MMRN2: variants seen among roughly 807,000 people sequenced by gnomAD.
The protein encoded by MMRN2 is multimerin-2.
A neutral mutation model predicts 68.8 loss-of-function variants in MMRN2; 53 were observed. The ratio of observed to expected loss-of-function variants is 0.77; its 90% CI spans 0.62 to 0.97. MMRN2 has a LOEUF of 0.97. Among genes scored for constraint, MMRN2 ranks in the 50% least tolerant of loss-of-function variants. The pLI, the probability that MMRN2 is intolerant of heterozygous loss-of-function variation, is 0.00. For synonymous variants in MMRN2, 564 were observed against 551.6 expected (o/e 1.02, Z -0.32); for missense variants, 1,266 against 1,259.5 (o/e 1.01, Z -0.08).
intron 1 of MMRN2, among the ~76,000 whole-genome samples, chr10:86,952,158 G>C (rs534394271): frequency 2.0e-5 from 3 of 152,200 alleles, no homozygotes; most frequent in South Asian, 2.1e-4. Flanking sequence ...CTCAGGATTC[G>C]ATATGCCAGC....
rs1292075339 is a variant in MMRN2 at position 86,936,685 on chromosome 10, C to G, written c.*58G>C. On this transcript the variant is annotated 3_prime_UTR_variant, in exon 7 of 7. Transcript: ENST00000372027. Reference sequence around the variant, plus strand: ...ACCTCCAGCCCATCCTTGGCCAGAGCCCCAGGCCGAGGAGAGCTGGGCGAG... The same window carrying G: ...ACCTCCAGCCCATCCTTGGCCAGAGGCCCAGGCCGAGGAGAGCTGGGCGAG... 6 of 1,578,856 alleles carry G rather than the reference C, an allele frequency of 3.8e-6. No individual in the cohort carries two copies. In the East Asian group the frequency reaches 1.3e-4, roughly 35 times the overall value.
Position 86,942,856 on chromosome 10 carries a change from T to A in MMRN2, c.1928A>T (p.Asp643Val). The part of the protein sequence containing the change: ...SYEQIRVALQ[D>V]AASGLQEQAL... ...CTGCTCCTGCAGCCCGCTAGCGGCG[T>A]CCTGCAGGGCCACGCGGATCTGCTC... Residue 643 changes from aspartate (D) to valine (V), a missense_variant, in exon 6 of 7, where the codon GAC becomes GTC. Asp to Val is a radical substitution (Grantham distance 152). Coordinates refer to ENST00000372027, the MANE Select transcript of MMRN2 (RefSeq NM_024756.3). The A allele has an allele frequency of 1.4e-6, 2 of 1,398,836 alleles. No homozygotes were observed. The highest frequency in any genetic ancestry group is 1.9e-6 in the Non-Finnish European group (2 of 1,077,196). The allele number at this position is 1,398,836 out of a possible 1,614,324, so 86.7% of individuals were successfully genotyped here. A position where few individuals can be genotyped will look rare whatever the true frequency, so the allele number is the denominator to read the frequency against.
In MMRN2 at chr10:86,944,422, T is replaced by C; in HGVS notation, c.495A>G (p.Ala165=). 1 of 1,613,774 alleles carries C rather than the reference T, an allele frequency of 6.2e-7. No homozygotes were observed. The highest frequency in any genetic ancestry group is 8.5e-7 in the Non-Finnish European group (1 of 1,180,006). The change falls in exon 5 of 7, where the codon GCA becomes GCG. Residue 165 remains alanine (A), a synonymous_variant. Transcript: ENST00000372027. Reference sequence around the variant, plus strand: ...GTTGCACCTCAACCTCATTGATCACTGCAGCAAGGTGGCCTAAATACACAG... The same window carrying C: ...GTTGCACCTCAACCTCATTGATCACCGCAGCAAGGTGGCCTAAATACACAG... ...PVSFKPGHLA[A]VINEVEVQQE... is the part of the protein sequence containing the mutation.
chr10:86,957,291 C>G, intron 1 of MMRN2, 87 bp downstream of exon 1: 1 of 1,387,860 alleles, frequency 7.2e-7, no homozygotes, highest in South Asian at 1.2e-5. Flanking sequence ...AGATGGGACC[C>G]CAGTGAGGTC....
Position 86,957,431 on chromosome 10 carries a change from T to G in MMRN2, c.111A>C (p.Thr37=). ...TSLSDLQSSR[T]PGVWKAEAED... The stretch of plus-strand genomic sequence containing the variant: ...CAGCCTCTGCCTTCCAGACCCCAGG[T>G]GTCCTGGAGCTCTGCAGATCAGAGA... Residue 37 remains threonine, a synonymous_variant, in exon 1 of 7, where the codon ACA becomes ACC. Coordinates refer to ENST00000372027, the MANE Select transcript of MMRN2 (RefSeq NM_024756.3). 1 of 1,613,778 alleles carries G rather than the reference T, an allele frequency of 6.2e-7. No individual in the cohort carries two copies.
chr10:86,936,048 C>T lies in MMRN2; in HGVS notation c.*695G>A, dbSNP rs1843873634. 5.6e-6 allele frequency: 1 copy of T among 178,566 alleles called. No homozygotes were observed. Among genetic ancestry groups the T allele is most frequent in the African/African-American group, 2.3e-5 (1 of 42,678 alleles). 11.1% of individuals were successfully genotyped at this position (178,566 alleles called of 1,614,324 possible). On this transcript the variant is annotated 3_prime_UTR_variant, in exon 7 of 7. Coordinates refer to ENST00000372027, the MANE Select transcript of MMRN2 (RefSeq NM_024756.3). The stretch of plus-strand genomic sequence containing the variant: ...ACAAGAACAGCATGGGGGAACCGCC[C>T]CCAAGATCCAATTACCTCCACCTGA...
chr10:86,952,874 C>T (rs1844163779), intron 1 of MMRN2, among the ~76,000 whole-genome samples: 1 of 152,114 alleles, frequency 6.6e-6, no homozygotes, highest in South Asian at 2.1e-4. Context: ...ATATCTCAGT[C>T]CTTATCACAA....
rs1844003901 is a variant in MMRN2 at position 86,943,179 on chromosome 10, G to T, written c.1605C>A (p.Ala535=). The change falls in exon 6 of 7, where the codon GCC becomes GCA. Residue 535 remains alanine, a synonymous_variant. Coordinates refer to ENST00000372027, the MANE Select transcript of MMRN2 (RefSeq NM_024756.3). The surrounding 1 kb of genome is among the most constrained non-coding windows in gnomAD (Gnocchi z 4.2). ...RRQLDGSSLQ[A]LQNAVDAVSL... ...ACACGGCGTCCACGGCGTTCTGCAG[G>T]GCCTGCAGGGAGGAGCCGTCCAGCT... 1 of 1,607,746 alleles carries T rather than the reference G, an allele frequency of 6.2e-7. No individual in the cohort carries two copies.
rs1409570817 is a variant in MMRN2 at position 86,936,037 on chromosome 10, G to A, written c.*706C>T. ...TGAGAACTATCACAAGAACAGCATGGGGGAACCGCCCCCAAGATCCAATTA... is the reference window on the plus strand; with the variant it reads ...TGAGAACTATCACAAGAACAGCATGAGGGAACCGCCCCCAAGATCCAATTA... On this transcript the variant is annotated 3_prime_UTR_variant, in exon 7 of 7. Coordinates refer to ENST00000372027, the MANE Select transcript of MMRN2 (RefSeq NM_024756.3). 5.9e-6 allele frequency: 1 copy of A among 170,472 alleles called. No individual in the cohort carries two copies. Among genetic ancestry groups the A allele is most frequent in the Non-Finnish European group, 1.2e-5 (1 of 80,428 alleles). The allele number at this position is 170,472 out of a possible 1,614,324, so 10.6% of individuals were successfully genotyped here.
chr10:86,945,854 A>G (rs767739607), intron 1 of MMRN2, 165 bp from the exon 2 acceptor site: 194 of 1,444,148 alleles, frequency 1.3e-4, no homozygotes, highest in Non-Finnish European at 1.7e-4. Context: ...TGGGCTCCAG[A>G]GCAAATGTTT....
At chr10:86,955,305 C>G (rs921070779) in intron 1 of MMRN2, among the ~76,000 whole-genome samples, 1 of 152,196 alleles carries the variant, frequency 6.6e-6, no homozygotes, top group Non-Finnish European at 1.5e-5. Flanking sequence ...ACAGAAACAG[C>G]CTCTTCCTCC....
Position 86,936,893 on chromosome 10 carries a change from A to C in MMRN2, c.2700T>G (p.Thr900=), listed in dbSNP as rs758377043. 3 of 1,614,188 alleles carry C rather than the reference A, an allele frequency of 1.9e-6. No homozygotes were observed. Among genetic ancestry groups the C allele is most frequent in the Non-Finnish European group, 2.5e-6 (3 of 1,180,034 alleles). Residue 900 remains threonine (T), a synonymous_variant, in exon 7 of 7, where the codon ACT becomes ACG. Transcript: ENST00000372027. ...GGHHRTPVCT[T]GQGSGSTATV... ...TTGCTGTGCTTCCACTCCCCTGCCC[A>C]GTGGTACAGACTGGAGTCCGATGGT...
At chr10:86,946,446 G>A (rs528593328) in intron 1 of MMRN2, among the ~76,000 whole-genome samples, 17 of 152,350 alleles carry the variant, frequency 1.1e-4, no homozygotes, top group Admixed American at 8.5e-4. Context: ...GCAGCTGGGT[G>A]GAGCAGTGTC....
chr10:86,957,504 AG>A lies in MMRN2; in HGVS notation c.37del (p.Leu13TrpfsTer41). On this transcript the variant is annotated frameshift_variant, in exon 1 of 7. Coordinates refer to ENST00000372027, the MANE Select transcript of MMRN2 (RefSeq NM_024756.3). LOFTEE classifies it high-confidence loss of function. ...LSLLFSLGGP[L>X]GWGLLGAWAQ... is the part of the protein sequence containing the mutation. ...CCATGCCCCCAGCAGCCCCCAGCCC[AG>A]GGGGCCCCCAAGGCTGAACAGCAAG... The A allele has an allele frequency of 6.2e-7, 1 of 1,612,684 alleles. No individual in the cohort carries two copies. The highest frequency in any genetic ancestry group is 8.5e-7 in the Non-Finnish European group (1 of 1,179,844).
intron 4 of MMRN2, 118 bp downstream of exon 4, chr10:86,945,070 G>T: frequency 2.3e-6 from 2 of 870,340 alleles, no homozygotes; most frequent in Non-Finnish European, 3.6e-6. Context: ...AGCAGGCCTT[G>T]CTGATTCTGG....
chr10:86,942,242 T>C, intron 6 of MMRN2, 75 bp downstream of exon 6: 1 of 1,504,000 alleles, frequency 6.6e-7, no homozygotes, highest in East Asian at 2.3e-5. Context: ...CCTGGCCCTC[T>C]TGGAGGCAGA....
At chr10:86,953,140 G>A (rs1327690048) in intron 1 of MMRN2, among the ~76,000 whole-genome samples, 2 of 152,066 alleles carry the variant, frequency 1.3e-5, no homozygotes, top group Non-Finnish European at 2.9e-5. Flanking sequence ...CATTTTCAAG[G>A]TGCACTGATA....
At chr10:86,939,674 C>CCG (rs1491273943) in intron 6 of MMRN2, among the ~76,000 whole-genome samples, 2 of 151,680 alleles carry the variant, frequency 1.3e-5, no homozygotes, top group South Asian at 4.2e-4. Context: ...GAGAGACCCC[C>CCG]ACCCCAACCC....
rs1198810513 is a variant in MMRN2 at position 86,942,697 on chromosome 10, C to G, written c.2087G>C (p.Gly696Ala). 14 of 1,553,114 alleles carry G rather than the reference C, an allele frequency of 9.0e-6. No homozygotes were observed. Among genetic ancestry groups the G allele is most frequent in the Middle Eastern group, 3.7e-4 (2 of 5,452 alleles). The change falls in exon 6 of 7, where the codon GGG becomes GCG. Residue 696 changes from glycine to alanine, a missense_variant. Coordinates refer to ENST00000372027, the MANE Select transcript of MMRN2 (RefSeq NM_024756.3). ...CAGGCTCTGGAGCTCCCGCGCCAGC[C>G]CGGCCAGGGCGGTGGTGGCGGCCTC... is the stretch of plus-strand genomic sequence containing the variant. ...REEAATTALA[G>A]LARELQSLSN...
Sources: allele counts gnomAD v4.1 joint callset (sites outside exome capture counted in the v4.1 genomes callset), GRCh38; gene constraint gnomAD v4.1.1; non-coding constraint Gnocchi (gnomAD v3.1); transcripts MANE v1.5; gene names NCBI Gene and HGNC (gene_info 2026-07-23, HGNC 2026-07-21).